Variants in CFAP92 observed in about 807,000 individuals in gnomAD.
The protein encoded by CFAP92 is uncharacterized protein CFAP92.
Under a neutral mutation model 106.3 loss-of-function variants are expected in CFAP92, and 86 were observed. The ratio of observed to expected loss-of-function variants is 0.81; its 90% confidence interval spans 0.68 to 0.97. The LOEUF (loss-of-function observed/expected upper bound fraction) is 0.97. Ranked by LOEUF, CFAP92 falls within the 50% of genes least tolerant of loss-of-function variation. The pLI is 0.00. For synonymous variants in CFAP92, 477 were observed against 506.4 expected (o/e 0.94, Z 0.78); for missense variants, 1,204 against 1,283.8 (o/e 0.94, Z 0.95).
chr3:129,026,392 A>G, the CFAP92 span, among the ~76,000 whole-genome samples: 1 of 151,940 alleles, frequency 6.6e-6, no homozygotes, highest in Non-Finnish European at 1.5e-5. Context: ...TAGTGGAAAG[A>G]TTTCAATATT....
chr3:129,000,747 C>G (rs1048963387), intron 1 of CFAP92, among the ~76,000 whole-genome samples: 1 of 152,238 alleles, frequency 6.6e-6, no homozygotes. Context: ...GAACTCGGAT[C>G]CCATTGCCAA....
At chr3:129,019,957 C>T in the CFAP92 span, among the ~76,000 whole-genome samples, 1 of 151,706 alleles carries the variant, frequency 6.6e-6, no homozygotes, top group African/African-American at 2.4e-5. Context: ...TTAGTAGAGA[C>T]AGGTTTTCAC....
intron 12 of CFAP92, among the ~76,000 whole-genome samples, chr3:128,925,287 T>C (rs998748958): frequency 6.6e-6 from 1 of 152,144 alleles, no homozygotes; most frequent in African/African-American, 2.4e-5. Context: ...CCCTTGCATG[T>C]TCAGTTCACA....
At position 128,945,391 on chromosome 3, in the gene CFAP92, G is replaced by C; in HGVS notation, c.1938C>G (p.Ala646=). The change falls in exon 10 of 16, where the codon GCC becomes GCG. Residue 646 remains alanine (A), a synonymous_variant. Coordinates refer to ENST00000645291, the MANE Select transcript of CFAP92 (RefSeq NM_001394090.1). ...VDIAVPLRAG[A]RAADPDLGGS... ...CCCCAAGGTCAGGATCAGCAGCTCT[G>C]GCCCCGGCCCTCAGTGGCACCGCGA... is the stretch of plus-strand genomic sequence containing the variant. The C allele has an allele frequency of 6.5e-7, 1 of 1,536,152 alleles. No individual in the cohort carries two copies. The highest frequency in any genetic ancestry group is 8.7e-7 in the Non-Finnish European group (1 of 1,146,914).
chr3:129,026,067 T>TGGAGATAATGACCTTACCTGTTATAG, the CFAP92 span, among the ~76,000 whole-genome samples: 4 of 152,242 alleles, frequency 2.6e-5, no homozygotes, highest in Non-Finnish European at 5.9e-5. Flanking sequence ...CCTCTGTAAA[T>TGGAGATAATGACCTTACCTGTTATAG]GGAGATAATG....
chr3:128,983,687 G>A (rs1052838224), intron 4 of CFAP92, among the ~76,000 whole-genome samples: 3 of 152,242 alleles, frequency 2.0e-5, no homozygotes, highest in African/African-American at 7.2e-5. Flanking sequence ...ACATTTTTGG[G>A]GAAAGAGATG....
chr3:128,960,132 C>T (rs1402256244), intron 9 of CFAP92, among the ~76,000 whole-genome samples: 1 of 152,208 alleles, frequency 6.6e-6, no homozygotes, highest in African/African-American at 2.4e-5. Context: ...TATAAAACGG[C>T]CCCACTCCCT....
intron 15 of CFAP92, among the ~76,000 whole-genome samples, chr3:128,913,299 A>G (rs1936546361): frequency 6.6e-6 from 1 of 152,158 alleles, no homozygotes; most frequent in African/African-American, 2.4e-5. Context: ...ATGAGCCCTT[A>G]GTTTTTATCC....
intron 12 of CFAP92, among the ~76,000 whole-genome samples, chr3:128,918,015 G>C (rs1167677434): frequency 6.6e-6 from 1 of 152,198 alleles, no homozygotes; most frequent in African/African-American, 2.4e-5. Context: ...AAAGCTTCTA[G>C]AGGAAAAGAG....
intron 12 of CFAP92, among the ~76,000 whole-genome samples, chr3:128,925,828 CA>C (rs1179415626): frequency 1.3e-5 from 2 of 152,108 alleles, no homozygotes; most frequent in Non-Finnish European, 2.9e-5. Context: ...AAATTATCTT[CA>C]AAAGAACAAG....
intron 2 of CFAP92, chr3:128,991,733 C>T (rs2107823627): frequency 9.8e-7 from 1 of 1,018,702 alleles, no homozygotes; most frequent in African/African-American, 1.7e-5. Flanking sequence ...CTCCACACCG[C>T]CTCGTGTTGT....
chr3:128,961,960 T>G (rs993511650), intron 9 of CFAP92, among the ~76,000 whole-genome samples: 3 of 151,844 alleles, frequency 2.0e-5, no homozygotes, highest in Non-Finnish European at 4.4e-5. Context: ...CTCCAGAACC[T>G]CCTCCCCCAG....
chr3:129,023,430 G>A, the CFAP92 span, among the ~76,000 whole-genome samples: 1,913 of 151,948 alleles, frequency 0.013, 33 homozygotes, highest in African/African-American at 0.044. Context: ...CTGGGTTCAC[G>A]GCATTCTCCT....
At chr3:129,020,495 A>T in the CFAP92 span, among the ~76,000 whole-genome samples, 1 of 152,122 alleles carries the variant, frequency 6.6e-6, no homozygotes, top group Non-Finnish European at 1.5e-5. Flanking sequence ...AAATTGGCTG[A>T]GCATGGTGGC....
intron 9 of CFAP92, among the ~76,000 whole-genome samples, chr3:128,958,887 TGA>T (rs2107754817): frequency 6.7e-6 from 1 of 149,244 alleles, no homozygotes; most frequent in Admixed American, 6.6e-5. Flanking sequence ...GGCAGTGGAG[TGA>T]GACCCTGTCT....
chr3:128,922,997 C>A (rs951418863), intron 12 of CFAP92, among the ~76,000 whole-genome samples: 1 of 152,240 alleles, frequency 6.6e-6, no homozygotes, highest in Admixed American at 6.5e-5. Context: ...GAAAGTTTTA[C>A]CCCATGGTAA....
chr3:128,937,908 C>T (rs1463496746), intron 10 of CFAP92, among the ~76,000 whole-genome samples: 2 of 151,994 alleles, frequency 1.3e-5, no homozygotes, highest in African/African-American at 4.8e-5. Context: ...ACTACAAATA[C>T]AAAAAATTAG....
At chr3:129,015,447 G>C in the CFAP92 span, among the ~76,000 whole-genome samples, 1 of 152,082 alleles carries the variant, frequency 6.6e-6, no homozygotes, top group Non-Finnish European at 1.5e-5. Flanking sequence ...GGTAAGCTCT[G>C]TGAGGTCAGG....
intron 9 of CFAP92, among the ~76,000 whole-genome samples, chr3:128,959,423 A>G (rs571939577): frequency 6.6e-6 from 1 of 152,270 alleles, no homozygotes; most frequent in South Asian, 2.1e-4. Context: ...AAAAAGGTAG[A>G]AAAAAATATA....
Sources: gnomAD v4.1 joint callset for allele counts (sites outside exome capture counted in the v4.1 genomes callset) on GRCh38, gnomAD v4.1.1 for gene constraint, MANE v1.5 for transcripts, NCBI Gene and HGNC (gene_info 2026-07-23, HGNC 2026-07-21) for gene names.